The following ARID3B variants were observed in gnomAD, a reference collection of about 807,000 sequenced individuals.
The protein encoded by ARID3B is AT-rich interaction domain 3B.
ARID3B carries 10 observed loss-of-function variants against 51.9 expected under a neutral mutation model. That is an observed-to-expected ratio of 0.19 (90% CI 0.12 to 0.33). The LOEUF (loss-of-function observed/expected upper bound fraction) is 0.33, where lower values mean the gene tolerates loss of function less well. Among genes scored for constraint, ARID3B ranks in the 10% least tolerant of loss-of-function variants. ARID3B has a pLI of 1.00. For synonymous variants in ARID3B, 205 were observed against 279.5 expected (o/e 0.73, Z 2.66); for missense variants, 483 against 716.3 (o/e 0.67, Z 3.72).
intron 2 of ARID3B, among the ~76,000 whole-genome samples, chr15:74,553,164 C>T (rs1226315661): frequency 2.0e-5 from 3 of 152,166 alleles, no homozygotes; most frequent in African/African-American, 7.2e-5. Flanking sequence ...ATTATAGATT[C>T]ACAGGGAGTT....
At chr15:74,577,950 C>T (rs542264955) in intron 4 of ARID3B, among the ~76,000 whole-genome samples, 14 of 152,248 alleles carry the variant, frequency 9.2e-5, no homozygotes, top group African/African-American at 2.6e-4. Flanking sequence ...CTTCCCATCC[C>T]GGGTTCAAGT....
In ARID3B at chr15:74,596,822, C is replaced by T. The variant is rs11072494; in HGVS notation, c.*1048C>T. Reference sequence around the variant, plus strand: ...TTTTTTTTTATTTTAAAATTTTTATCGTAGCACCAAAGAAATGAAAACAGA... The same window carrying T: ...TTTTTTTTTATTTTAAAATTTTTATTGTAGCACCAAAGAAATGAAAACAGA... On this transcript the variant is annotated 3_prime_UTR_variant, in exon 9 of 9. Transcript: ENST00000346246. The T allele has an allele frequency of 0.23, 53,988 of 232,704 alleles. 8,492 individuals are homozygous for T. The highest frequency in any genetic ancestry group is 0.52 in the East Asian group (8,548 of 16,536). The allele number at this position is 232,704 out of a possible 1,614,324, so 14.4% of individuals were successfully genotyped here.
At chr15:74,564,131 C>T (rs1051840300) in intron 2 of ARID3B, among the ~76,000 whole-genome samples, 1 of 152,200 alleles carries the variant, frequency 6.6e-6, no homozygotes. Flanking sequence ...GTTTCCAAGG[C>T]CTGAGCGATT....
chr15:74,571,632 G>A (rs2061719251), intron 2 of ARID3B, among the ~76,000 whole-genome samples: 1 of 152,238 alleles, frequency 6.6e-6, no homozygotes, highest in Admixed American at 6.5e-5. Context: ...TGTGCTATGT[G>A]CCTGATGACA....
At chr15:74,571,387 A>G (rs2061718450) in intron 2 of ARID3B, among the ~76,000 whole-genome samples, 1 of 152,118 alleles carries the variant, frequency 6.6e-6, no homozygotes, top group African/African-American at 2.4e-5. Context: ...CACCACATAC[A>G]CACCCCAGCC....
intron 4 of ARID3B, among the ~76,000 whole-genome samples, chr15:74,585,616 A>G (rs2061777989): frequency 6.6e-6 from 1 of 152,202 alleles, no homozygotes; most frequent in South Asian, 2.1e-4. Flanking sequence ...TTAATTTTTT[A>G]TTCATAGACT....
Position 74,597,210 on chromosome 15 carries a change from G to A in ARID3B, c.*1436G>A, listed in dbSNP as rs528794801. The A allele has an allele frequency of 9.4e-4, 336 of 359,088 alleles. 5 individuals carry two copies. In the South Asian group the frequency reaches 0.01, roughly 11 times the overall value. 22.2% of individuals were successfully genotyped at this position (359,088 alleles called of 1,614,324 possible). On this transcript the variant is annotated 3_prime_UTR_variant, in exon 9 of 9. Transcript: ENST00000346246. ...CTCCACAGCTCCTCCTGGACCCTGC[G>A]CGGGAGCAGGCAGCTCCTGTGCTGT...
At chr15:74,570,396 C>T (rs1411786614) in intron 2 of ARID3B, among the ~76,000 whole-genome samples, 1 of 145,324 alleles carries the variant, frequency 6.9e-6, no homozygotes, top group Non-Finnish European at 1.5e-5. Flanking sequence ...CCACCCTTTC[C>T]ACCCAACTGA....
Position 74,591,095 on chromosome 15 carries a change from G to A in ARID3B, c.882-56G>A, listed in dbSNP as rs911803549. The A allele has an allele frequency of 1.3e-6, 2 of 1,536,886 alleles. No individual in the cohort carries two copies. The highest frequency in any genetic ancestry group is 2.7e-5 in the African/African-American group (2 of 72,762). The stretch of plus-strand genomic sequence containing the variant: ...TTCCAGAGACCCACCAACCTCAACT[G>A]GGTGGTCTCTGGTGCTGTTTTGGAT... On this transcript the variant is annotated intron_variant, in intron 5 of 8. Transcript: ENST00000346246. The surrounding 1 kb of genome is among the most constrained non-coding windows in gnomAD (Gnocchi z 5.8).
At chr15:74,579,156 T>G (rs2061749765) in intron 4 of ARID3B, among the ~76,000 whole-genome samples, 3 of 152,204 alleles carry the variant, frequency 2.0e-5, no homozygotes, top group Non-Finnish European at 2.9e-5. Flanking sequence ...GGGCCATAAC[T>G]GCTGCTTTGT....
rs574173186 is a variant in ARID3B at position 74,543,948 on chromosome 15, TCAGCAG to T, written c.33_38del (p.Gln14_Gln15del). On this transcript the variant is annotated inframe_deletion, in exon 2 of 9. Transcript: ENST00000346246. ...AGCTTGAGGCAAAAATGGAGCCACTTCAGCAGCAGCAGCAGCAGCAGCAGCAACAAC... is the reference window on the plus strand; with the variant it reads ...AGCTTGAGGCAAAAATGGAGCCACTTCAGCAGCAGCAGCAGCAGCAACAAC... The T allele has an allele frequency of 2.4e-5, 38 of 1,607,596 alleles. No individual in the cohort carries two copies. Among genetic ancestry groups the T allele is most frequent in the East Asian group, 1.6e-4 (7 of 44,712 alleles).
In ARID3B at chr15:74,597,501, T is replaced by C; in HGVS notation, c.*1727T>C. On this transcript the variant is annotated 3_prime_UTR_variant, in exon 9 of 9. Transcript: ENST00000346246. ...GCCCTCCACACACACTCACCCCCAC[T>C]CCCACACACATACACACACACACAC... The C allele has an allele frequency of 1.9e-6, 1 of 534,506 alleles. No homozygotes were observed. The highest frequency in any genetic ancestry group is 2.2e-5 in the Admixed American group (1 of 44,812). 33.1% of individuals were successfully genotyped at this position (534,506 alleles called of 1,614,324 possible).
chr15:74,550,017 A>G (rs2061630690), intron 2 of ARID3B, among the ~76,000 whole-genome samples: 1 of 152,272 alleles, frequency 6.6e-6, no homozygotes, highest in South Asian at 2.1e-4. Context: ...CGCTATCATC[A>G]GACAGCACCA....
At chr15:74,588,696 G>A (rs2061790602) in intron 4 of ARID3B, among the ~76,000 whole-genome samples, 1 of 152,120 alleles carries the variant, frequency 6.6e-6, no homozygotes, top group Non-Finnish European at 1.5e-5. Context: ...AGCCGGCTGT[G>A]AAAGGACTTG....
chr15:74,550,917 G>C (rs2061634908), intron 2 of ARID3B, among the ~76,000 whole-genome samples: 1 of 152,090 alleles, frequency 6.6e-6, no homozygotes, highest in South Asian at 2.1e-4. Flanking sequence ...GCAGGGTTAG[G>C]GCGAATTGTC....
chr15:74,550,600 C>T (rs899136562), intron 2 of ARID3B, among the ~76,000 whole-genome samples: 4 of 151,560 alleles, frequency 2.6e-5, no homozygotes, highest in Non-Finnish European at 4.4e-5. Context: ...CAAGCTACTC[C>T]GGAGGCTGAG....
chr15:74,556,115 C>G (rs991046411), intron 2 of ARID3B, among the ~76,000 whole-genome samples: 2 of 152,070 alleles, frequency 1.3e-5, no homozygotes, highest in East Asian at 3.9e-4. Context: ...ACATGCCTTC[C>G]TCACTAAGCT....
rs2061824252 is a variant in ARID3B at position 74,596,093 on chromosome 15, C to G, written c.*319C>G. On this transcript the variant is annotated 3_prime_UTR_variant, in exon 9 of 9. Coordinates refer to ENST00000346246, the MANE Select transcript of ARID3B (RefSeq NM_006465.4). ...GCTCAGGGCACAGTGTATCGACAAT[C>G]TGTCAGCCGACGCAGGGCTGGAGGC... 1 of 328,976 alleles carries G rather than the reference C, an allele frequency of 3.0e-6. No homozygotes were observed. The highest frequency in any genetic ancestry group is 5.5e-6 in the Non-Finnish European group (1 of 180,318). The allele number at this position is 328,976 out of a possible 1,614,324, so 20.4% of individuals were successfully genotyped here. A position where few individuals can be genotyped will look rare whatever the true frequency, so the allele number is the denominator to read the frequency against.
At chr15:74,559,057 C>T (rs1453760042) in intron 2 of ARID3B, among the ~76,000 whole-genome samples, 3 of 152,130 alleles carry the variant, frequency 2.0e-5, no homozygotes, top group Non-Finnish European at 4.4e-5. Flanking sequence ...CTCTCATGGC[C>T]TCTGGCTTTA....
Sources: gnomAD v4.1 joint callset for allele counts (sites outside exome capture counted in the v4.1 genomes callset) on GRCh38, gnomAD v4.1.1 for gene constraint, Gnocchi (gnomAD v3.1) non-coding constraint, MANE v1.5 for transcripts, NCBI Gene and HGNC (gene_info 2026-07-23, HGNC 2026-07-21) for gene names.